Variants in SPESP1 observed in about 807,000 individuals in gnomAD.
SPESP1 encodes the protein sperm equatorial segment protein 1.
SPESP1 carries 1 observed loss-of-function variant against 3.1 expected under a neutral mutation model. The ratio of observed to expected loss-of-function variants is 0.33; its 90% confidence interval spans 0.12 to 1.54. The LOEUF is 1.54. Among genes scored for constraint, SPESP1 ranks in the 40% most tolerant of loss-of-function variants. The probability of loss-of-function intolerance (pLI) is 0.38; values close to 1 mark genes in which losing one functional copy is unlikely to be tolerated. For missense variants in SPESP1, 398 were observed against 410.1 expected, an observed-to-expected ratio of 0.97 and a Z score of 0.26; for synonymous variants, 138 against 150.7, an observed-to-expected ratio of 0.92 and a Z score of 0.62.
At chr15:68,941,445 C>G (rs1895820372) in intron 1 of SPESP1, among the ~76,000 whole-genome samples, 2 of 152,162 alleles carry the variant, frequency 1.3e-5, no homozygotes, top group South Asian at 4.1e-4. Context: ...TTTCCCTGAG[C>G]CAAAATCAAG....
chr15:68,945,500 G>T, intron 1 of SPESP1, 99 bp from the exon 2 acceptor site: 1 of 950,888 alleles, frequency 1.1e-6, no homozygotes, highest in East Asian at 3.0e-5. Context: ...CAATTTTTAA[G>T]TGATAGCATA....
intron 1 of SPESP1, among the ~76,000 whole-genome samples, chr15:68,934,154 G>T (rs1000755147): frequency 6.6e-6 from 1 of 151,868 alleles, no homozygotes; most frequent in African/African-American, 2.4e-5. Context: ...TCATCTCTTG[G>T]TATAGACTAG....
In SPESP1 at chr15:68,930,632, C is replaced by T. The variant is rs1426519224; in HGVS notation, c.-22C>T. 9 of 1,613,714 alleles carry T rather than the reference C, an allele frequency of 5.6e-6. No individual in the cohort carries two copies. Among genetic ancestry groups the T allele is most frequent in the Non-Finnish European group, 5.9e-6 (7 of 1,179,692 alleles). ...GCCCCAGGACGTTCCGGTCGCATGG[C>T]AGAGTGCTACGGACGACGCCTATGA... is the stretch of plus-strand genomic sequence containing the variant. On this transcript the variant is annotated 5_prime_UTR_variant, in exon 1 of 2. Transcript: ENST00000310673.
intron 1 of SPESP1, 63 bp from the exon 2 acceptor site, chr15:68,945,536 C>G: frequency 1.5e-6 from 2 of 1,297,456 alleles, no homozygotes; most frequent in Non-Finnish European, 2.0e-6. Flanking sequence ...TCAGTAGATT[C>G]TGTCAGTGTG....
At position 68,930,561 on chromosome 15, in the gene SPESP1, C is replaced by A; in HGVS notation, c.-93C>A. 1 of 1,549,378 alleles carries A rather than the reference C, an allele frequency of 6.5e-7. No homozygotes were observed. Among genetic ancestry groups the A allele is most frequent in the Non-Finnish European group, 8.9e-7 (1 of 1,127,526 alleles). On this transcript the variant is annotated 5_prime_UTR_variant, in exon 1 of 2. Coordinates refer to ENST00000310673, the MANE Select transcript of SPESP1 (RefSeq NM_145658.4). ...TCCCAGGGCCTGAGGCAGGACGGTA[C>A]TCCGCTGACACCTTCCCTTTCGGCC...
chr15:68,944,311 CTT>C (rs75390989), intron 1 of SPESP1, among the ~76,000 whole-genome samples: 67 of 131,236 alleles, frequency 5.1e-4, no homozygotes, highest in Admixed American at 6.2e-4. Flanking sequence ...ATAGAACTAC[CTT>C]TTTTTTTTTT....
At chr15:68,931,536 A>G (rs1205185558) in intron 1 of SPESP1, among the ~76,000 whole-genome samples, 2 of 152,144 alleles carry the variant, frequency 1.3e-5, no homozygotes, top group Non-Finnish European at 2.9e-5. Context: ...TAAAATTTGG[A>G]GAGCATGTGG....
chr15:68,942,199 T>C (rs1895844118), intron 1 of SPESP1, among the ~76,000 whole-genome samples: 1 of 146,730 alleles, frequency 6.8e-6, no homozygotes, highest in Non-Finnish European at 1.5e-5. Context: ...AGTCTCGCTC[T>C]GTCGCCCAGG....
Position 68,946,073 on chromosome 15 carries a change from C to T in SPESP1, c.539C>T (p.Pro180Leu). 6.2e-7 allele frequency: 1 copy of T among 1,614,186 alleles called. No individual in the cohort carries two copies. The highest frequency in any genetic ancestry group is 8.5e-7 in the Non-Finnish European group (1 of 1,180,028). ...TSPYVTSYKS[P>L]VTTLDKSTGI... ...CCATATGTTACCTCATACAAGTCACCTGTCACCACTTTAGATAAGAGCACT... is the reference window on the plus strand; with the variant it reads ...CCATATGTTACCTCATACAAGTCACTTGTCACCACTTTAGATAAGAGCACT... Residue 180 changes from proline (P) to leucine (L), a missense_variant, in exon 2 of 2, where the codon CCT (proline) becomes CTT (leucine). Transcript: ENST00000310673.
chr15:68,938,975 G>A (rs868340495), intron 1 of SPESP1, among the ~76,000 whole-genome samples: 2 of 152,068 alleles, frequency 1.3e-5, no homozygotes, highest in African/African-American at 4.8e-5. Context: ...TTCCCCTTTG[G>A]ATTTCCTACC....
chr15:68,930,829 TC>T, intron 1 of SPESP1, 112 bp downstream of exon 1: 1 of 1,513,004 alleles, frequency 6.6e-7, no homozygotes, highest in Non-Finnish European at 9.0e-7. Flanking sequence ...CATGCCTCCC[TC>T]CCCCACTGTC....
At chr15:68,933,299 T>A (rs567061205) in intron 1 of SPESP1, among the ~76,000 whole-genome samples, 50 of 152,286 alleles carry the variant, frequency 3.3e-4, no homozygotes, top group African/African-American at 1.0e-3. Context: ...TAAATTCAGT[T>A]AGACATAAAT....
rs941418919 is a variant in SPESP1 at position 68,944,389 on chromosome 15, C to T, written c.65-1210C>T. On this transcript the variant is annotated intron_variant, in intron 1 of 1. Coordinates refer to ENST00000310673, the MANE Select transcript of SPESP1 (RefSeq NM_145658.4). ...AAAAAGACTCTCCACATTAGATAGA[C>T]GCCCCAACAATACCCTTGGGCTTTT... Among the ~76,000 whole-genome samples the T allele has an allele frequency of 5.4e-5, 8 of 149,484 alleles. 1 individual carries two copies. In the South Asian group the frequency reaches 6.4e-4, roughly 12 times the overall value.
At chr15:68,942,789 A>C (rs1895860754) in intron 1 of SPESP1, among the ~76,000 whole-genome samples, 2 of 152,186 alleles carry the variant, frequency 1.3e-5, no homozygotes, top group East Asian at 3.8e-4. Context: ...AGATAAGTTA[A>C]ATAATTACCT....
At chr15:68,938,200 C>T (rs986767089) in intron 1 of SPESP1, among the ~76,000 whole-genome samples, 7 of 152,114 alleles carry the variant, frequency 4.6e-5, no homozygotes, top group African/African-American at 1.7e-4. Flanking sequence ...AGGCTGGTCT[C>T]GAACTCCTGA....
Position 68,936,255 on chromosome 15 carries a change from C to A in SPESP1, c.64+5538C>A, listed in dbSNP as rs1185388589. Among the ~76,000 whole-genome samples the A allele has an allele frequency of 7.2e-5, 11 of 152,264 alleles. 1 individual carries two copies. The East Asian group carries it at 2.1e-3, about 29-fold the overall frequency. On this transcript the variant is annotated intron_variant, in intron 1 of 1. Transcript: ENST00000310673. ...ATCCTAGTTATATTCAAATCTTTAA[C>A]AAAATGAGCATCCATAATTGGTGAT...
intron 1 of SPESP1, among the ~76,000 whole-genome samples, chr15:68,931,356 G>A (rs1265844449): frequency 6.6e-6 from 1 of 151,564 alleles, no homozygotes; most frequent in African/African-American, 2.4e-5. Flanking sequence ...TTCATTGTTC[G>A]TGAATAAAGT....
Position 68,945,684 on chromosome 15 carries a change from G to A in SPESP1, c.150G>A (p.Gly50=), listed in dbSNP as rs1895940108. The A allele has an allele frequency of 3.1e-6, 5 of 1,613,706 alleles. No homozygotes were observed. Among genetic ancestry groups the A allele is most frequent in the Admixed American group, 3.3e-5 (2 of 59,954 alleles). ...LENLVRSVPS[G]EPGREKKSNS... ...ACCTAGTACGAAGTGTTCCCTCTGG[G>A]GAGCCAGGTCGTGAGAAAAAATCTA... The change falls in exon 2 of 2, where the codon GGG becomes GGA. Residue 50 remains glycine, a synonymous_variant. Coordinates refer to ENST00000310673, the MANE Select transcript of SPESP1 (RefSeq NM_145658.4).
At chr15:68,935,341 C>T (rs1333527878) in intron 1 of SPESP1, among the ~76,000 whole-genome samples, 1 of 152,180 alleles carries the variant, frequency 6.6e-6, no homozygotes, top group Non-Finnish European at 1.5e-5. Context: ...CTCAGCTGGG[C>T]AGCTCTGCTT....
Sources: allele counts gnomAD v4.1 joint callset (sites outside exome capture counted in the v4.1 genomes callset), GRCh38; gene constraint gnomAD v4.1.1; transcripts MANE v1.5; gene names NCBI Gene and HGNC (gene_info 2026-07-23, HGNC 2026-07-21).